C7orf78: variants seen among roughly 807,000 people sequenced by gnomAD.
C7orf78 encodes the protein chromosome 7 open reading frame 78.
the C7orf78 span, among the ~76,000 whole-genome samples, chr7:12,533,194 G>A: frequency 1.3e-5 from 2 of 152,028 alleles, no homozygotes; most frequent in Non-Finnish European, 2.9e-5. Context: ...TTTTGTTGTT[G>A]TTGTTGTTTT....
chr7:12,495,674 A>G, the C7orf78 span, among the ~76,000 whole-genome samples: 10 of 152,172 alleles, frequency 6.6e-5, 1 homozygote, highest in South Asian at 2.1e-3. Flanking sequence ...TTTTCGGAAC[A>G]CTATTTAAAG....
the C7orf78 span, among the ~76,000 whole-genome samples, chr7:12,531,802 G>A: frequency 7.0e-3 from 1,061 of 152,210 alleles, 16 homozygotes; most frequent in African/African-American, 0.024. Context: ...ACATGTGGGT[G>A]GGTTAAGGAG....
the C7orf78 span, among the ~76,000 whole-genome samples, chr7:12,532,438 C>T: frequency 1.3e-5 from 2 of 151,746 alleles, no homozygotes; most frequent in African/African-American, 2.4e-5. Context: ...AATCCCAGCT[C>T]CTTAGGTGGC....
the C7orf78 span, among the ~76,000 whole-genome samples, chr7:12,507,678 A>G: frequency 6.6e-6 from 1 of 152,234 alleles, no homozygotes; most frequent in Admixed American, 6.5e-5. Context: ...CTGTGCAGTA[A>G]TAACAGCCTC....
chr7:12,535,641 C>T, the C7orf78 span, among the ~76,000 whole-genome samples: 8 of 152,180 alleles, frequency 5.3e-5, no homozygotes, highest in Admixed American at 2.6e-4. Flanking sequence ...ACTCAAAAGT[C>T]CACGGTCCAA....
At chr7:12,505,351 T>C in the C7orf78 span, among the ~76,000 whole-genome samples, 3 of 152,208 alleles carry the variant, frequency 2.0e-5, no homozygotes, top group East Asian at 3.9e-4. Context: ...TTTGTAGAGA[T>C]AGAAATCCTT....
At chr7:12,495,993 T>C in the C7orf78 span, among the ~76,000 whole-genome samples, 1 of 152,006 alleles carries the variant, frequency 6.6e-6, no homozygotes, top group Admixed American at 6.6e-5. Context: ...TGGCGTGATC[T>C]CGGCTCACTG....
At chr7:12,530,486 T>G in the C7orf78 span, 6 of 152,266 alleles carry the variant, frequency 3.9e-5, no homozygotes, top group African/African-American at 1.4e-4. Context: ...AAGATCTCTG[T>G]TTTAATGTTA....
chr7:12,506,946 A>G, the C7orf78 span: 1 of 481,256 alleles, frequency 2.1e-6, no homozygotes, highest in East Asian at 6.1e-5. Flanking sequence ...GTGCTGAATA[A>G]ATCTCTTGCT....
chr7:12,498,708 C>T, the C7orf78 span, among the ~76,000 whole-genome samples: 17 of 151,298 alleles, frequency 1.1e-4, no homozygotes, highest in African/African-American at 3.9e-4. Flanking sequence ...GGCAGGCCAA[C>T]GTTCAGATTC....
chr7:12,513,956 C>G, the C7orf78 span, among the ~76,000 whole-genome samples: 1 of 151,956 alleles, frequency 6.6e-6, no homozygotes, highest in South Asian at 2.1e-4. Flanking sequence ...GCTGAGATCA[C>G]GCCACTGCAC....
the C7orf78 span, chr7:12,542,135 A>T: frequency 6.6e-6 from 1 of 152,214 alleles, no homozygotes; most frequent in Admixed American, 6.5e-5. Context: ...TTATCCTATC[A>T]CCTTTCCAAT....
At chr7:12,529,794 C>T in the C7orf78 span, among the ~76,000 whole-genome samples, 1 of 152,154 alleles carries the variant, frequency 6.6e-6, no homozygotes, top group African/African-American at 2.4e-5. Context: ...AATTCAAGGG[C>T]GGGCCTGTGG....
the C7orf78 span, among the ~76,000 whole-genome samples, chr7:12,501,334 A>T: frequency 6.8e-6 from 1 of 146,496 alleles, no homozygotes; most frequent in Admixed American, 6.8e-5. Context: ...AGAAAACCCC[A>T]TTGTCTCAGC....
the C7orf78 span, chr7:12,505,875 A>G: frequency 2.0e-5 from 3 of 152,334 alleles, no homozygotes; most frequent in Admixed American, 6.5e-5. Context: ...TTTATATACA[A>G]TAGAAGCTTA....
At chr7:12,529,839 G>A in the C7orf78 span, among the ~76,000 whole-genome samples, 2 of 152,240 alleles carry the variant, frequency 1.3e-5, no homozygotes, top group East Asian at 3.8e-4. Flanking sequence ...TACAGCAGCA[G>A]AGGTACTGCT....
chr7:12,535,315 A>G, the C7orf78 span, among the ~76,000 whole-genome samples: 25 of 152,322 alleles, frequency 1.6e-4, no homozygotes, highest in African/African-American at 5.1e-4. Context: ...AAAAGGAGCA[A>G]GTCACATCCT....
the C7orf78 span, among the ~76,000 whole-genome samples, chr7:12,488,918 T>TTG: frequency 6.9e-6 from 1 of 144,092 alleles, no homozygotes; most frequent in African/African-American, 2.5e-5. Context: ...GATTGGTTTT[T>TTG]TTTTTTTTGG....
At chr7:12,518,447 A>G in the C7orf78 span, among the ~76,000 whole-genome samples, 10 of 152,112 alleles carry the variant, frequency 6.6e-5, no homozygotes, top group Non-Finnish European at 1.5e-4. Flanking sequence ...CCATGGCAGT[A>G]GCAGTGGTAA....
Sources: gnomAD v4.1 joint callset for allele counts (sites outside exome capture counted in the v4.1 genomes callset) on GRCh38, gnomAD v4.1.1 for gene constraint, MANE v1.5 for transcripts, NCBI Gene and HGNC (gene_info 2026-07-23, HGNC 2026-07-21) for gene names.